The following ITPR2 variants were observed in gnomAD, a reference collection of about 807,000 sequenced individuals.
ITPR2 encodes the protein inositol 1,4,5-trisphosphate receptor type 2.
ITPR2 carries 207 observed loss-of-function variants against 317.1 expected under a neutral mutation model. The observed-to-expected ratio is 0.65, with a 90% CI of 0.58 to 0.73. ITPR2 has a LOEUF of 0.73. Ranked by LOEUF, ITPR2 falls within the 30% of genes least tolerant of loss-of-function variation. The pLI, the probability that ITPR2 is intolerant of heterozygous loss-of-function variation, is 0.00. For missense variants in ITPR2, 2,613 were observed against 3,284.0 expected, an observed-to-expected ratio of 0.80 and a Z score of 4.99; for synonymous variants, 1,156 against 1,149.1, an observed-to-expected ratio of 1.01 and a Z score of -0.12.
intron 21 of ITPR2, among the ~76,000 whole-genome samples, chr12:26,648,230 C>T (rs1221642075): frequency 1.3e-5 from 2 of 152,200 alleles, no homozygotes; most frequent in East Asian, 1.9e-4. Context: ...TTAAGCCTGG[C>T]GCCACTGAGG....
intron 9 of ITPR2, among the ~76,000 whole-genome samples, chr12:26,706,113 A>C (rs971328503): frequency 6.6e-6 from 1 of 152,166 alleles, no homozygotes; most frequent in African/African-American, 2.4e-5. Flanking sequence ...GCTGCCCACC[A>C]CAACTGTCTC....
chr12:26,786,422 C>G (rs1950246173), intron 2 of ITPR2, among the ~76,000 whole-genome samples: 4 of 109,210 alleles, frequency 3.7e-5, no homozygotes, highest in Admixed American at 3.0e-4. Context: ...AAATCCCCCT[C>G]TGCGAGAAAC....
At chr12:26,773,615 A>G (rs576610738) in intron 2 of ITPR2, among the ~76,000 whole-genome samples, 10 of 152,344 alleles carry the variant, frequency 6.6e-5, no homozygotes, top group Admixed American at 5.9e-4. Flanking sequence ...TAACTCAGAG[A>G]CACAATTAAT....
chr12:26,344,678 T>C (rs924479661), intron 55 of ITPR2, among the ~76,000 whole-genome samples: 1 of 152,244 alleles, frequency 6.6e-6, no homozygotes, highest in East Asian at 1.9e-4. Flanking sequence ...TGTTTCTTTG[T>C]TCATCCATTC....
intron 10 of ITPR2, among the ~76,000 whole-genome samples, chr12:26,692,417 A>G (rs1948258396): frequency 6.6e-6 from 1 of 152,230 alleles, no homozygotes; most frequent in African/African-American, 2.4e-5. Context: ...AGAAATTCCA[A>G]TATCTAAAAC....
intron 45 of ITPR2, among the ~76,000 whole-genome samples, chr12:26,471,427 G>A (rs960024822): frequency 2.0e-5 from 3 of 152,088 alleles, no homozygotes; most frequent in East Asian, 1.9e-4. Flanking sequence ...AGGTAAACAC[G>A]CAGAAGATAG....
intron 55 of ITPR2, among the ~76,000 whole-genome samples, chr12:26,383,409 A>C (rs1939568763): frequency 6.6e-6 from 1 of 152,218 alleles, no homozygotes; most frequent in Non-Finnish European, 1.5e-5. Flanking sequence ...AAGCTGAAGC[A>C]TTGGAGGTGA....
intron 45 of ITPR2, among the ~76,000 whole-genome samples, chr12:26,467,003 CAA>C (rs1299245864): frequency 1.3e-5 from 2 of 152,024 alleles, no homozygotes; most frequent in Non-Finnish European, 2.9e-5. Context: ...TCTGCATCTA[CAA>C]ATAAAGTAAA....
At chr12:26,378,233 G>A (rs746278967) in intron 55 of ITPR2, among the ~76,000 whole-genome samples, 2 of 151,904 alleles carry the variant, frequency 1.3e-5, no homozygotes, top group African/African-American at 2.4e-5. Context: ...AAGGGTGGTG[G>A]GCTAGGAAGT....
chr12:26,779,796 T>G (rs1290478115), intron 2 of ITPR2, among the ~76,000 whole-genome samples: 1 of 152,212 alleles, frequency 6.6e-6, no homozygotes, highest in East Asian at 1.9e-4. Flanking sequence ...AATGGCCAGA[T>G]GTGCGATTAT....
At chr12:26,768,482 C>CAAA (rs55646801) in intron 2 of ITPR2, among the ~76,000 whole-genome samples, 1 of 92,912 alleles carries the variant, frequency 1.1e-5, no homozygotes, top group African/African-American at 4.6e-5. Flanking sequence ...TTGTGCAACT[C>CAAA]AAAAAAAAAA....
At chr12:26,477,255 T>G (rs1942440146) in intron 43 of ITPR2, among the ~76,000 whole-genome samples, 1 of 152,076 alleles carries the variant, frequency 6.6e-6, no homozygotes, top group East Asian at 1.9e-4. Flanking sequence ...AAAAGGTACT[T>G]CAAATGCAAA....
Position 26,336,488 on chromosome 12 carries a change from T to C in ITPR2, c.*2909A>G, listed in dbSNP as rs1206000276. 3 of 152,178 alleles carry C rather than the reference T, an allele frequency of 2.0e-5. No individual in the cohort carries two copies. Among genetic ancestry groups the C allele is most frequent in the Non-Finnish European group, 2.9e-5 (2 of 68,038 alleles). 9.4% of individuals were successfully genotyped at this position (152,178 alleles called of 1,614,324 possible). A position where few individuals can be genotyped will look rare whatever the true frequency, so the allele number is the denominator to read the frequency against. On this transcript the variant is annotated 3_prime_UTR_variant, in exon 57 of 57. Coordinates refer to ENST00000381340, the MANE Select transcript of ITPR2 (RefSeq NM_002223.4). ...AAAATAAGCTTATTTCTAACTTAAT[T>C]TTTTAAGGGGTAGAAAATATGATAA... is the stretch of plus-strand genomic sequence containing the variant.
intron 20 of ITPR2, among the ~76,000 whole-genome samples, chr12:26,655,075 C>T (rs1188334474): frequency 6.6e-6 from 1 of 152,230 alleles, no homozygotes; most frequent in Admixed American, 6.5e-5. Context: ...CATCCTTTCT[C>T]TAGTTTTGTC....
At chr12:26,792,286 T>C (rs1318082673) in intron 1 of ITPR2, among the ~76,000 whole-genome samples, 4 of 151,906 alleles carry the variant, frequency 2.6e-5, no homozygotes, top group Admixed American at 6.6e-5. Flanking sequence ...TTGAAGATAA[T>C]GGAAGGAAGG....
chr12:26,624,190 G>C lies in ITPR2; in HGVS notation c.3122+109C>G, dbSNP rs539083388. The C allele has an allele frequency of 2.0e-4, 147 of 735,596 alleles. 2 individuals are homozygous for C. The South Asian group carries it at 2.1e-3, about 10-fold the overall frequency. 45.6% of individuals were successfully genotyped at this position (735,596 alleles called of 1,614,324 possible). The stretch of plus-strand genomic sequence containing the variant: ...GGCAGAAATTATGTTAGCAACAATA[G>C]AGGGTCTAAAAATAAATAGATATAG... On this transcript the variant is annotated intron_variant, in intron 24 of 56. Transcript: ENST00000381340.
intron 2 of ITPR2, among the ~76,000 whole-genome samples, chr12:26,738,371 G>C (rs1042452058): frequency 1.3e-5 from 2 of 152,294 alleles, no homozygotes; most frequent in African/African-American, 2.4e-5. Context: ...TCCAGAAAGT[G>C]GACATGAGAA....
At chr12:26,447,886 T>C (rs764030418) in intron 45 of ITPR2, among the ~76,000 whole-genome samples, 19 of 151,968 alleles carry the variant, frequency 1.3e-4, no homozygotes, top group Non-Finnish European at 2.4e-4. Flanking sequence ...TAAAATATTC[T>C]ATAGAATGAA....
chr12:26,350,252 A>T lies in ITPR2; in HGVS notation c.7858-9924T>A, dbSNP rs75959686. On this transcript the variant is annotated intron_variant, in intron 55 of 56. Transcript: ENST00000381340. ...TCAACCAACATTTCAAAAAATGCTA[A>T]AAGGTGTCAGGAAGAACACTGGGCT... 9.0e-3 allele frequency among the ~76,000 whole-genome samples: 1,376 copies of T among 152,294 alleles called. 26 individuals are homozygous for T. Among genetic ancestry groups the T allele is most frequent in the Middle Eastern group, 0.034 (10 of 294 alleles).
Sources: gnomAD v4.1 joint callset for allele counts (sites outside exome capture counted in the v4.1 genomes callset) on GRCh38, gnomAD v4.1.1 for gene constraint, MANE v1.5 for transcripts, NCBI Gene and HGNC (gene_info 2026-07-23, HGNC 2026-07-21) for gene names.